The following KPNA1 variants were observed in gnomAD, a reference collection of about 807,000 sequenced individuals.
KPNA1 encodes the protein importin subunit alpha-5.
A neutral mutation model predicts 70.5 loss-of-function variants in KPNA1; 10 were observed. The observed-to-expected ratio is 0.14, with a 90% confidence interval of 0.09 to 0.24. The LOEUF is 0.24. Ranked by LOEUF, KPNA1 falls within the 10% of genes least tolerant of loss-of-function variation. The pLI is 1.00. For missense variants in KPNA1, 397 were observed against 637.9 expected (o/e 0.62, Z 4.07); for synonymous variants, 192 against 221.9 (o/e 0.87, Z 1.20).
chr3:122,467,313 T>C lies in KPNA1; in HGVS notation c.237+9A>G, dbSNP rs770178331. The C allele has an allele frequency of 1.4e-6, 2 of 1,413,074 alleles. No homozygotes were observed. The highest frequency in any genetic ancestry group is 2.3e-5 in the East Asian group (1 of 43,536). 87.5% of individuals were successfully genotyped at this position (1,413,074 alleles called of 1,614,324 possible). On this transcript the variant is annotated intron_variant, in intron 3 of 13. Transcript: ENST00000344337. Reference sequence around the variant, plus strand: ...TCACAAAAACACTGAAAAGAGTTCATTATCTTACTGGTGCCATCTCCATGT... The same window carrying C: ...TCACAAAAACACTGAAAAGAGTTCACTATCTTACTGGTGCCATCTCCATGT...
intron 9 of KPNA1, among the ~76,000 whole-genome samples, chr3:122,448,073 C>T (rs571822335): frequency 1.8e-4 from 27 of 152,048 alleles, no homozygotes; most frequent in Non-Finnish European, 3.4e-4. Context: ...TACTATCTCA[C>T]GTCATCATTA....
intron 1 of KPNA1, 86 bp from the exon 2 acceptor site, chr3:122,496,656 G>T: frequency 1.6e-6 from 2 of 1,222,128 alleles, no homozygotes; most frequent in Non-Finnish European, 2.3e-6. Context: ...ACATATACAT[G>T]CCCAGACATA....
intron 10 of KPNA1, among the ~76,000 whole-genome samples, chr3:122,441,542 CT>C (rs2076062219): frequency 6.6e-6 from 1 of 151,870 alleles, no homozygotes. Context: ...CCCCAAACTA[CT>C]ACAAGCAACA....
intron 1 of KPNA1, among the ~76,000 whole-genome samples, chr3:122,508,398 T>C (rs2107510886): frequency 6.6e-6 from 1 of 152,240 alleles, no homozygotes; most frequent in Non-Finnish European, 1.5e-5. Flanking sequence ...GGGCTCAAAA[T>C]CAGAAGGTTT....
intron 5 of KPNA1, chr3:122,457,805 A>G: frequency 7.8e-7 from 1 of 1,289,842 alleles, no homozygotes; most frequent in Non-Finnish European, 1.0e-6. Flanking sequence ...GTTGCTGGCC[A>G]CTTTGCCGGT....
At position 122,424,792 on chromosome 3, in the gene KPNA1, AT is replaced by A. The variant is rs1384166736; in HGVS notation, c.*2192del. ...CTATAGAAATGACATGTTACTAGTAATTTACAATTTTAAAAAACAGCCACAA... is the reference window on the plus strand; with the variant it reads ...CTATAGAAATGACATGTTACTAGTAATTACAATTTTAAAAAACAGCCACAA... On this transcript the variant is annotated 3_prime_UTR_variant, in exon 14 of 14. Coordinates refer to ENST00000344337, the MANE Select transcript of KPNA1 (RefSeq NM_002264.4). 2.0e-5 allele frequency: 3 copies of A among 152,784 alleles called. No homozygotes were observed. The highest frequency in any genetic ancestry group is 2.0e-4 in the Admixed American group (3 of 15,304). The allele number at this position is 152,784 out of a possible 1,614,324, so 9.5% of individuals were successfully genotyped here.
chr3:122,477,516 A>ATGATGT, intron 2 of KPNA1, among the ~76,000 whole-genome samples: 1 of 152,108 alleles, frequency 6.6e-6, no homozygotes, highest in Non-Finnish European at 1.5e-5. Flanking sequence ...CCTGGGCAAC[A>ATGATGT]CAGCAAGACC....
At chr3:122,429,217 A>C (rs1285029647) in intron 12 of KPNA1, among the ~76,000 whole-genome samples, 5 of 152,126 alleles carry the variant, frequency 3.3e-5, no homozygotes, top group African/African-American at 1.2e-4. Flanking sequence ...TCGGGAGGCC[A>C]ACGCGGGTGG....
chr3:122,425,779 G>C lies in KPNA1; in HGVS notation c.*1206C>G, dbSNP rs983657857. ...TGAAATAAAATGATTAGGAAACAAT[G>C]AGGTTATAAGATCACTGTTCTTATT... On this transcript the variant is annotated 3_prime_UTR_variant, in exon 14 of 14. Transcript: ENST00000344337. 6.6e-6 allele frequency: 1 copy of C among 152,638 alleles called. No homozygotes were observed. The highest frequency in any genetic ancestry group is 6.5e-5 in the Admixed American group (1 of 15,274). 9.5% of individuals were successfully genotyped at this position (152,638 alleles called of 1,614,324 possible).
At chr3:122,434,353 T>G (rs567914159) in intron 11 of KPNA1, among the ~76,000 whole-genome samples, 28 of 152,354 alleles carry the variant, frequency 1.8e-4, no homozygotes, top group African/African-American at 6.3e-4. Context: ...TCTTTTGTTC[T>G]GCCCACAGTA....
At chr3:122,496,333 C>CAG in intron 2 of KPNA1, 104 bp downstream of exon 2, 2 of 943,018 alleles carry the variant, frequency 2.1e-6, no homozygotes, top group South Asian at 3.0e-5. Context: ...CACACACACA[C>CAG]ACACACACAC....
intron 12 of KPNA1, among the ~76,000 whole-genome samples, chr3:122,428,730 AT>A (rs2075857223): frequency 6.6e-6 from 1 of 152,230 alleles, no homozygotes; most frequent in Non-Finnish European, 1.5e-5. Flanking sequence ...AAATTGAATC[AT>A]TAATAACTTC....
chr3:122,455,847 C>T (rs1175682175), intron 5 of KPNA1, among the ~76,000 whole-genome samples: 7 of 152,190 alleles, frequency 4.6e-5, no homozygotes, highest in Non-Finnish European at 1.0e-4. Context: ...TGAGCCACCG[C>T]ACCCGGCCAC....
intron 11 of KPNA1, among the ~76,000 whole-genome samples, chr3:122,434,671 G>A (rs1166476644): frequency 2.0e-5 from 3 of 152,102 alleles, no homozygotes; most frequent in Non-Finnish European, 4.4e-5. Context: ...CCACCTCCCA[G>A]ATTACCAAAA....
At chr3:122,463,642 TAA>T (rs1204562568) in intron 4 of KPNA1, among the ~76,000 whole-genome samples, 1 of 151,854 alleles carries the variant, frequency 6.6e-6, no homozygotes, top group Non-Finnish European at 1.5e-5. Flanking sequence ...AGTCACTCTA[TAA>T]AAAAAAGTCA....
chr3:122,459,552 G>T, intron 5 of KPNA1: 1 of 985,364 alleles, frequency 1.0e-6, no homozygotes, highest in Non-Finnish European at 1.2e-6. Flanking sequence ...CTGCAGTGTT[G>T]GTTGTCTGGA....
At chr3:122,484,288 T>C (rs1049380672) in intron 2 of KPNA1, among the ~76,000 whole-genome samples, 1 of 152,172 alleles carries the variant, frequency 6.6e-6, no homozygotes, top group Non-Finnish European at 1.5e-5. Flanking sequence ...CTTTTTAGAT[T>C]TTTAGTACAT....
intron 12 of KPNA1, chr3:122,432,435 T>C (rs1465198633): frequency 6.6e-6 from 1 of 152,248 alleles, no homozygotes; most frequent in Non-Finnish European, 1.5e-5. Context: ...TTCTGTACTT[T>C]GTTACTATTT....
chr3:122,494,525 A>G (rs1057029165), intron 2 of KPNA1, among the ~76,000 whole-genome samples: 1 of 152,180 alleles, frequency 6.6e-6, no homozygotes, highest in Non-Finnish European at 1.5e-5. Context: ...TGCTGTTTTC[A>G]ATTACTATAA....
Sources: gnomAD v4.1 joint callset for allele counts (sites outside exome capture counted in the v4.1 genomes callset) on GRCh38, gnomAD v4.1.1 for gene constraint, MANE v1.5 for transcripts, NCBI Gene and HGNC (gene_info 2026-07-23, HGNC 2026-07-21) for gene names.